ST7: variants seen among roughly 807,000 people sequenced by gnomAD.
ST7 encodes suppressor of tumorigenicity 7 protein.
ST7 carries 28 observed loss-of-function variants against 78.7 expected under a neutral mutation model. The ratio of observed to expected loss-of-function variants is 0.36; its 90% CI spans 0.26 to 0.49. The LOEUF (loss-of-function observed/expected upper bound fraction) is 0.49, where lower values mean the gene tolerates loss of function less well. Ranked by LOEUF, ST7 falls within the 20% of genes least tolerant of loss-of-function variation. The probability of loss-of-function intolerance (pLI) is 0.99; values close to 1 mark genes in which losing one functional copy is unlikely to be tolerated. For missense variants in ST7, 418 were observed against 696.0 expected, an observed-to-expected ratio of 0.60 and a Z score of 4.49; for synonymous variants, 247 against 249.6, an observed-to-expected ratio of 0.99 and a Z score of 0.10.
chr7:117,180,856 A>T (rs1005447595), intron 10 of ST7, among the ~76,000 whole-genome samples: 1 of 152,072 alleles, frequency 6.6e-6, no homozygotes, highest in African/African-American at 2.4e-5. Context: ...TCACTTTGTC[A>T]CCTAGGTTGT....
At chr7:117,152,169 T>C (rs1806304354) in intron 9 of ST7, among the ~76,000 whole-genome samples, 1 of 108,910 alleles carries the variant, frequency 9.2e-6, no homozygotes. Flanking sequence ...GTATTATATA[T>C]ATAAAAACTA....
At chr7:117,171,049 G>A (rs945428813) in intron 10 of ST7, 73 bp downstream of exon 10, 3 of 942,956 alleles carry the variant, frequency 3.2e-6, no homozygotes, top group Non-Finnish European at 4.7e-6. Flanking sequence ...GATTAGAAGG[G>A]TCATTTCAAA....
At chr7:117,078,343 A>G (rs545727252) in intron 1 of ST7, among the ~76,000 whole-genome samples, 31 of 152,388 alleles carry the variant, frequency 2.0e-4, no homozygotes, top group African/African-American at 6.3e-4. Flanking sequence ...TTCAAAAACT[A>G]TAATTATGTT....
At chr7:117,029,756 A>AT (rs148567226) in intron 1 of ST7, among the ~76,000 whole-genome samples, 77,537 of 146,692 alleles carry the variant, frequency 0.53, 20,688 homozygotes, top group Non-Finnish European at 0.6. Context: ...GTAAATGTTC[A>AT]TTTTTTTTTT....
At chr7:117,051,541 T>G (rs1362668250) in intron 1 of ST7, among the ~76,000 whole-genome samples, 5 of 152,190 alleles carry the variant, frequency 3.3e-5, no homozygotes, top group African/African-American at 1.2e-4. Flanking sequence ...TTATTCTGAA[T>G]GCATGGGAAG....
At chr7:117,052,951 C>CT (rs1797864911) in intron 1 of ST7, among the ~76,000 whole-genome samples, 1 of 152,140 alleles carries the variant, frequency 6.6e-6, no homozygotes, top group South Asian at 2.1e-4. Flanking sequence ...TTGCTTCATA[C>CT]TTTATGTGCA....
At chr7:116,956,641 T>A (rs769378649) in intron 1 of ST7, 2 of 471,076 alleles carry the variant, frequency 4.2e-6, no homozygotes, top group South Asian at 3.1e-5. Flanking sequence ...TGTTCTGGAG[T>A]CATTCTTGGA....
chr7:117,203,754 A>G (rs1811083260), intron 12 of ST7, among the ~76,000 whole-genome samples: 1 of 151,992 alleles, frequency 6.6e-6, no homozygotes, highest in African/African-American at 2.4e-5. Flanking sequence ...CTCTACTCCT[A>G]CAAAGACTAT....
chr7:117,130,614 A>C lies in ST7; in HGVS notation c.565+8A>C. 9 of 1,601,690 alleles carry C rather than the reference A, an allele frequency of 5.6e-6. No homozygotes were observed. The highest frequency in any genetic ancestry group is 7.7e-6 in the Non-Finnish European group (9 of 1,171,438). On this transcript the variant is annotated splice_region_variant and intron_variant, in intron 5 of 15. Transcript: ENST00000323984. ...TGCGTCCCGCAGATGCAAGTATGAA[A>C]AATCCATACATCCTTCTGAATGGGA...
chr7:117,020,068 TG>T (rs1428633085), intron 1 of ST7: 2 of 152,530 alleles, frequency 1.3e-5, no homozygotes, highest in African/African-American at 4.8e-5. Context: ...AGTGTATACG[TG>T]GCTCTCGGTC....
chr7:117,092,965 C>T (rs749381084), intron 1 of ST7, among the ~76,000 whole-genome samples: 9 of 152,120 alleles, frequency 5.9e-5, no homozygotes, highest in Non-Finnish European at 1.2e-4. Flanking sequence ...TATGTCATAA[C>T]CATAAAAAGA....
intron 1 of ST7, among the ~76,000 whole-genome samples, chr7:117,062,955 GT>G (rs1345262711): frequency 6.6e-6 from 1 of 152,116 alleles, no homozygotes; most frequent in Admixed American, 6.6e-5. Flanking sequence ...CTTTCCTTTA[GT>G]TTTTTACATC....
At chr7:117,184,829 G>GT (rs570319039) in intron 10 of ST7, among the ~76,000 whole-genome samples, 192 of 152,246 alleles carry the variant, frequency 1.3e-3, no homozygotes, top group Non-Finnish European at 2.1e-3. Context: ...TCAATTTCTT[G>GT]TTTTTTGATA....
intron 1 of ST7, chr7:116,968,562 T>C (rs1793259985): frequency 5.9e-6 from 2 of 341,556 alleles, no homozygotes; most frequent in South Asian, 4.9e-5. Flanking sequence ...AATAAATTCA[T>C]TGAGTCATAC....
chr7:116,993,750 T>G (rs1471029604), intron 1 of ST7, among the ~76,000 whole-genome samples: 1 of 152,242 alleles, frequency 6.6e-6, no homozygotes, highest in Admixed American at 6.5e-5. Context: ...TAGAGTTTAT[T>G]TAGAAGGATC....
chr7:117,129,370 T>C (rs1007773580), intron 3 of ST7, among the ~76,000 whole-genome samples: 1 of 151,932 alleles, frequency 6.6e-6, no homozygotes, highest in African/African-American at 2.4e-5. Flanking sequence ...TGTTTGCATA[T>C]TATACTCTAT....
intron 1 of ST7, among the ~76,000 whole-genome samples, chr7:117,018,740 G>A (rs1220397922): frequency 6.6e-6 from 1 of 152,210 alleles, no homozygotes; most frequent in Non-Finnish European, 1.5e-5. Flanking sequence ...GGGTTATTAT[G>A]AAGATTAAAT....
chr7:117,157,071 A>G (rs1366448267), intron 9 of ST7, among the ~76,000 whole-genome samples: 1 of 152,122 alleles, frequency 6.6e-6, no homozygotes, highest in East Asian at 1.9e-4. Flanking sequence ...AAGAGTAAGA[A>G]TATGTAGCCA....
At chr7:117,114,822 G>C (rs1387897811) in intron 2 of ST7, among the ~76,000 whole-genome samples, 2 of 152,138 alleles carry the variant, frequency 1.3e-5, no homozygotes, top group Non-Finnish European at 2.9e-5. Context: ...TCTACTTTTA[G>C]GTCTGCAAGA....
Sources: allele counts gnomAD v4.1 joint callset (sites outside exome capture counted in the v4.1 genomes callset), GRCh38; gene constraint gnomAD v4.1.1; transcripts MANE v1.5; gene names NCBI Gene and HGNC (gene_info 2026-07-23, HGNC 2026-07-21).